The following GAPVD1 variants were observed in gnomAD, a reference collection of about 807,000 sequenced individuals.
GAPVD1 encodes GTPase-activating protein and VPS9 domain-containing protein 1.
A neutral mutation model predicts 155.5 loss-of-function variants in GAPVD1; 35 were observed. The observed-to-expected ratio is 0.23, with a 90% CI of 0.17 to 0.30. The LOEUF (loss-of-function observed/expected upper bound fraction) is 0.30. Ranked by LOEUF, GAPVD1 falls within the 10% of genes least tolerant of loss-of-function variation. The pLI, the probability that GAPVD1 is intolerant of heterozygous loss-of-function variation, is 1.00. For missense variants in GAPVD1, 1,429 were observed against 1,775.7 expected (o/e 0.80, Z 3.51); for synonymous variants, 636 against 619.7 (o/e 1.03, Z -0.39).
intron 18 of GAPVD1, 78 bp downstream of exon 18, chr9:125,341,342 C>A: frequency 1.4e-6 from 1 of 718,952 alleles, no homozygotes; most frequent in South Asian, 1.8e-5. Context: ...GAGCCAATGT[C>A]TCAACTCCTC....
Position 125,337,045 on chromosome 9 carries a change from C to T in GAPVD1, c.2456C>T (p.Ser819Phe). The T allele has an allele frequency of 6.2e-7, 1 of 1,612,876 alleles. No homozygotes were observed. The highest frequency in any genetic ancestry group is 8.5e-7 in the Non-Finnish European group (1 of 1,178,836). ...GCCCACCAGCTGACCTCTCCTCCTT[C>T]TCAGTCAGAGTCTCTGCTGGCCATG... ...HGAHQLTSPP[S>F]QSESLLAMFD... is the part of the protein sequence containing the mutation. The change falls in exon 16 of 28, where the codon TCT (serine) becomes TTT (phenylalanine). Residue 819 changes from serine (S) to phenylalanine (F), a missense_variant. Around this residue, in one of 4 missense-constraint regions of GAPVD1, gnomAD observed 699 missense variants for 826.0 expected, o/e 0.85. Transcript: ENST00000297933.
At chr9:125,360,418 G>A in intron 26 of GAPVD1, 110 bp from the exon 27 acceptor site, 1 of 781,010 alleles carries the variant, frequency 1.3e-6, no homozygotes, top group Admixed American at 2.2e-5. Context: ...ACCAAAGAGA[G>A]GAAAAAGCAA....
At chr9:125,287,166 A>G (rs1247321681) in intron 2 of GAPVD1, among the ~76,000 whole-genome samples, 1 of 152,126 alleles carries the variant, frequency 6.6e-6, no homozygotes, top group African/African-American at 2.4e-5. Context: ...GGAAGGTTTT[A>G]TTGAGTCTGG....
intron 17 of GAPVD1, among the ~76,000 whole-genome samples, chr9:125,338,672 A>G (rs1847374834): frequency 6.6e-6 from 1 of 152,144 alleles, no homozygotes; most frequent in Non-Finnish European, 1.5e-5. Context: ...CACTGAAATG[A>G]CACTTTTTTT....
At chr9:125,332,723 A>G (rs1007768413) in intron 15 of GAPVD1, 94 bp downstream of exon 15, 22 of 1,022,356 alleles carry the variant, frequency 2.2e-5, no homozygotes, top group South Asian at 2.8e-5. Flanking sequence ...ATCTGTTGGT[A>G]TAGCACTTTG....
intron 11 of GAPVD1, among the ~76,000 whole-genome samples, chr9:125,324,624 G>T (rs755598816): frequency 6.6e-6 from 1 of 152,108 alleles, no homozygotes; most frequent in Non-Finnish European, 1.5e-5. Context: ...TTTATTGGAA[G>T]AAAATATTAG....
intron 13 of GAPVD1, among the ~76,000 whole-genome samples, chr9:125,331,050 G>A (rs1845996164): frequency 6.6e-6 from 1 of 151,458 alleles, no homozygotes; most frequent in African/African-American, 2.4e-5. Flanking sequence ...CTTTTCATAT[G>A]CATTGCATTT....
intron 2 of GAPVD1, among the ~76,000 whole-genome samples, chr9:125,285,102 T>A (rs1837430964): frequency 6.6e-6 from 1 of 152,198 alleles, no homozygotes; most frequent in Non-Finnish European, 1.5e-5. Context: ...AGCAGATATT[T>A]TGGACTTGTG....
intron 2 of GAPVD1, among the ~76,000 whole-genome samples, chr9:125,275,807 A>T (rs1017326891): frequency 2.0e-5 from 3 of 152,178 alleles, no homozygotes; most frequent in African/African-American, 7.2e-5. Context: ...TTTCATTAGT[A>T]ATGATTTCAA....
At chr9:125,352,651 G>A (rs1448971216) in intron 23 of GAPVD1, among the ~76,000 whole-genome samples, 4 of 152,198 alleles carry the variant, frequency 2.6e-5, no homozygotes, top group Admixed American at 6.5e-5. Context: ...GACATGCCCT[G>A]GAGACATTTT....
chr9:125,274,520 A>G (rs939609136), intron 2 of GAPVD1, among the ~76,000 whole-genome samples: 36 of 145,180 alleles, frequency 2.5e-4, no homozygotes, highest in African/African-American at 8.2e-4. Flanking sequence ...CTGGAGTGCA[A>G]TGGTGCAATC....
chr9:125,293,179 C>G (rs1431131221), intron 2 of GAPVD1, among the ~76,000 whole-genome samples: 2 of 152,034 alleles, frequency 1.3e-5, no homozygotes, highest in Non-Finnish European at 2.9e-5. Context: ...AGTCTAGGAA[C>G]CTGTTTGTGC....
At chr9:125,299,779 G>A (rs912478056) in intron 4 of GAPVD1, among the ~76,000 whole-genome samples, 8 of 150,322 alleles carry the variant, frequency 5.3e-5, no homozygotes, top group Non-Finnish European at 1.2e-4. Flanking sequence ...CTAGCACTTT[G>A]GGAGGCCGAG....
intron 2 of GAPVD1, among the ~76,000 whole-genome samples, chr9:125,274,887 A>G (rs1835513859): frequency 6.6e-6 from 1 of 152,198 alleles, no homozygotes; most frequent in Non-Finnish European, 1.5e-5. Context: ...CTAGCCAAAG[A>G]TTGCACAGCT....
intron 19 of GAPVD1, among the ~76,000 whole-genome samples, chr9:125,343,385 A>G (rs1228578557): frequency 6.6e-6 from 1 of 151,972 alleles, no homozygotes; most frequent in African/African-American, 2.4e-5. Flanking sequence ...TTAAAGTGAA[A>G]ATTTTTTTCA....
chr9:125,355,846 A>G lies in GAPVD1; in HGVS notation c.3960A>G (p.Ile1320Met). ...TCTACCCTAATCAAGATGGGGACAT[A>G]CTTCGCGACCAGTAAGTACTTCTAT... is the stretch of plus-strand genomic sequence containing the variant. ...LAFYPNQDGD[I>M]LRDQVLHEHI... The change falls in exon 25 of 28, where the codon ATA becomes ATG. Residue 1320 changes from isoleucine (I) to methionine (M), a missense_variant. Ile to Met is a conservative substitution (Grantham distance 10). Around this residue, in one of 4 missense-constraint regions of GAPVD1, gnomAD observed 102 missense variants for 196.5 expected, o/e 0.52. Coordinates refer to ENST00000297933, the MANE Select transcript of GAPVD1 (RefSeq NM_001282680.3). 2 of 1,590,652 alleles carry G rather than the reference A, an allele frequency of 1.3e-6. No homozygotes were observed. The highest frequency in any genetic ancestry group is 1.7e-6 in the Non-Finnish European group (2 of 1,158,612).
At position 125,300,041 on chromosome 9, in the gene GAPVD1, ATATATATATATATATATAT is replaced by A; in HGVS notation, c.185+936_185+954del. ...CTCAAAAGAAAAAAAAAAAAAAAAT[ATATATATATATATATATAT>A]ATATATATATATATATATATATATA... On this transcript the variant is annotated intron_variant, in intron 4 of 27. Transcript: ENST00000297933. Among the ~76,000 whole-genome samples, 27 of 13,540 alleles carry A rather than the reference ATATATATATATATATATAT, an allele frequency of 2.0e-3. 10 individuals carry two copies. Among genetic ancestry groups the A allele is most frequent in the Non-Finnish European group, 2.8e-3 (19 of 6,874 alleles). 8.9% of individuals were successfully genotyped at this position (13,540 alleles called of 152,430 possible). A position where few individuals can be genotyped will look rare whatever the true frequency, so the allele number is the denominator to read the frequency against.
intron 2 of GAPVD1, among the ~76,000 whole-genome samples, chr9:125,271,332 C>CT (rs903776243): frequency 6.8e-4 from 100 of 147,996 alleles, no homozygotes; most frequent in Non-Finnish European, 1.2e-3. Flanking sequence ...GTGTTTAGTT[C>CT]TTTTTTTTTT....
intron 2 of GAPVD1, among the ~76,000 whole-genome samples, chr9:125,274,967 G>A (rs1268342597): frequency 2.0e-5 from 3 of 152,012 alleles, no homozygotes; most frequent in African/African-American, 7.2e-5. Context: ...GACTGCCTCC[G>A]GGATCTTAGG....
Sources: gnomAD v4.1 joint callset for allele counts (sites outside exome capture counted in the v4.1 genomes callset) on GRCh38, gnomAD v4.1.1 for gene constraint, gnomAD v4.1.1 regional missense constraint, MANE v1.5 for transcripts, NCBI Gene and HGNC (gene_info 2026-07-23, HGNC 2026-07-21) for gene names.